EYA2: variants seen among roughly 807,000 people sequenced by gnomAD.
EYA2 encodes EYA transcriptional coactivator and phosphatase 2.
Under a neutral mutation model 69.2 loss-of-function variants are expected in EYA2, and 31 were observed. The ratio of observed to expected loss-of-function variants is 0.45; its 90% CI spans 0.34 to 0.60. The LOEUF is 0.60. Ranked by LOEUF, EYA2 falls within the 20% of genes least tolerant of loss-of-function variation. EYA2 has a pLI of 0.02. For missense variants in EYA2, 622 were observed against 701.2 expected, an observed-to-expected ratio of 0.89 and a Z score of 1.28; for synonymous variants, 257 against 279.4, an observed-to-expected ratio of 0.92 and a Z score of 0.80.
At chr20:47,130,282 T>TTTTTTTTTAAAA (rs1600729708) in intron 9 of EYA2, among the ~76,000 whole-genome samples, 1 of 142,444 alleles carries the variant, frequency 7.0e-6, no homozygotes, top group Non-Finnish European at 1.5e-5. Context: ...TTTTTTTTTT[T>TTTTTTTTTAAAA]GAGACAGAGT....
chr20:47,037,898 G>T (rs115292541), intron 5 of EYA2, among the ~76,000 whole-genome samples: 17 of 152,170 alleles, frequency 1.1e-4, no homozygotes, highest in African/African-American at 3.6e-4. Context: ...CCTGGGATTC[G>T]TATTGGATAT....
chr20:46,949,511 G>T (rs1209316220), intron 1 of EYA2, among the ~76,000 whole-genome samples: 1 of 152,196 alleles, frequency 6.6e-6, no homozygotes, highest in African/African-American at 2.4e-5. Context: ...CTCAGTTCAG[G>T]TATAGCTGGA....
chr20:47,015,971 A>T (rs1217734147), intron 4 of EYA2, among the ~76,000 whole-genome samples: 1 of 152,204 alleles, frequency 6.6e-6, no homozygotes, highest in Non-Finnish European at 1.5e-5. Context: ...CTTTTAACAA[A>T]ATCAACTAAT....
At chr20:46,905,619 C>T (rs1424172709) in intron 1 of EYA2, among the ~76,000 whole-genome samples, 1 of 152,222 alleles carries the variant, frequency 6.6e-6, no homozygotes, top group East Asian at 1.9e-4. Flanking sequence ...TGACTTCCTC[C>T]TCAGACCAGG....
At chr20:46,918,372 G>A (rs928856745) in intron 1 of EYA2, among the ~76,000 whole-genome samples, 9 of 148,980 alleles carry the variant, frequency 6.0e-5, no homozygotes, top group Admixed American at 5.4e-4. Context: ...GCAATGGCAC[G>A]ATCTCGGCTC....
intron 9 of EYA2, among the ~76,000 whole-genome samples, chr20:47,101,052 A>T (rs2032410072): frequency 6.6e-6 from 1 of 152,098 alleles, no homozygotes; most frequent in African/African-American, 2.4e-5. Flanking sequence ...CTCTCTTTTG[A>T]TATTTTTATT....
chr20:47,135,991 T>A (rs1344142257), intron 9 of EYA2, among the ~76,000 whole-genome samples: 2 of 151,990 alleles, frequency 1.3e-5, no homozygotes, highest in African/African-American at 4.8e-5. Context: ...CACTCCAGCC[T>A]GGGTGACATA....
chr20:47,128,434 T>A (rs980935657), intron 9 of EYA2, among the ~76,000 whole-genome samples: 18 of 152,170 alleles, frequency 1.2e-4, no homozygotes, highest in Admixed American at 9.8e-4. Flanking sequence ...GGCAGCTGCC[T>A]GCCGTTTCTC....
At chr20:46,898,924 CCTTT>C (rs1983953212) in intron 1 of EYA2, among the ~76,000 whole-genome samples, 2 of 152,170 alleles carry the variant, frequency 1.3e-5, no homozygotes. Flanking sequence ...CTATTGAGTT[CCTTT>C]GTCATTTCTC....
intron 10 of EYA2, among the ~76,000 whole-genome samples, chr20:47,163,380 A>C (rs1231545845): frequency 2.0e-5 from 3 of 152,068 alleles, no homozygotes; most frequent in African/African-American, 7.2e-5. Flanking sequence ...GATGTCTTGG[A>C]ACCATTTCCA....
intron 3 of EYA2, among the ~76,000 whole-genome samples, chr20:47,003,809 C>T (rs909347612): frequency 2.6e-5 from 4 of 152,208 alleles, no homozygotes; most frequent in African/African-American, 9.7e-5. Context: ...TGGTTCCAAG[C>T]ATGGGCTCTG....
At chr20:47,030,710 G>A (rs1188316521) in intron 5 of EYA2, among the ~76,000 whole-genome samples, 2 of 150,478 alleles carry the variant, frequency 1.3e-5, no homozygotes, top group Non-Finnish European at 3.0e-5. Flanking sequence ...TGCTCGCTCT[G>A]TGAACACATG....
intron 1 of EYA2, among the ~76,000 whole-genome samples, chr20:46,896,587 C>T (rs1983825033): frequency 6.6e-6 from 1 of 152,206 alleles, no homozygotes; most frequent in African/African-American, 2.4e-5. Context: ...GACACTCTCA[C>T]ACTTGGGTAA....
intron 8 of EYA2, among the ~76,000 whole-genome samples, chr20:47,093,570 G>C (rs1166640816): frequency 6.6e-6 from 1 of 152,106 alleles, no homozygotes; most frequent in African/African-American, 2.4e-5. Context: ...TCCCCTCTCT[G>C]GGCACCAGCG....
chr20:46,998,808 G>A (rs1465009999), intron 2 of EYA2, among the ~76,000 whole-genome samples: 5 of 152,190 alleles, frequency 3.3e-5, no homozygotes, highest in African/African-American at 4.8e-5. Context: ...GGTTAAATGC[G>A]ATTGATACCA....
chr20:47,045,397 A>G (rs532537803), intron 5 of EYA2, among the ~76,000 whole-genome samples: 2 of 152,328 alleles, frequency 1.3e-5, no homozygotes, highest in East Asian at 3.9e-4. Context: ...GTCCCAGAAC[A>G]TCATTTCTGC....
At chr20:47,166,219 G>A (rs2034182150) in intron 10 of EYA2, among the ~76,000 whole-genome samples, 1 of 151,440 alleles carries the variant, frequency 6.6e-6, no homozygotes, top group African/African-American at 2.4e-5. Flanking sequence ...GGCCAACATA[G>A]CAAAACCTCA....
intron 1 of EYA2, among the ~76,000 whole-genome samples, chr20:46,972,115 C>T (rs529698828): frequency 3.3e-5 from 5 of 152,242 alleles, no homozygotes; most frequent in South Asian, 2.1e-4. Flanking sequence ...GAGGAGGTGA[C>T]GTTTGAGAAA....
intron 10 of EYA2, among the ~76,000 whole-genome samples, chr20:47,165,503 T>C (rs2034162831): frequency 2.0e-5 from 3 of 152,118 alleles, no homozygotes; most frequent in Non-Finnish European, 4.4e-5. Context: ...AGCTGACCCC[T>C]AGGAAGCCAC....
Sources: gnomAD v4.1 joint callset for allele counts (sites outside exome capture counted in the v4.1 genomes callset) on GRCh38, gnomAD v4.1.1 for gene constraint, MANE v1.5 for transcripts, NCBI Gene and HGNC (gene_info 2026-07-23, HGNC 2026-07-21) for gene names.